PIGU: variants seen among roughly 807,000 people sequenced by gnomAD.
The protein encoded by PIGU is phosphatidylinositol glycan anchor biosynthesis class U, also known as GPI-anchor transamidase component PIGU.
A neutral mutation model predicts 49.9 loss-of-function variants in PIGU; 24 were observed. The observed-to-expected ratio is 0.48, with a 90% confidence interval of 0.35 to 0.68. The LOEUF (loss-of-function observed/expected upper bound fraction) is 0.68, where lower values mean the gene tolerates loss of function less well. Ranked by LOEUF, PIGU falls within the 30% of genes least tolerant of loss-of-function variation. The pLI is 0.01. For synonymous variants in PIGU, 220 were observed against 205.7 expected, an observed-to-expected ratio of 1.07 and a Z score of -0.59; for missense variants, 490 against 532.6, an observed-to-expected ratio of 0.92 and a Z score of 0.79.
intron 7 of PIGU, among the ~76,000 whole-genome samples, chr20:34,598,512 T>C (rs1350305786): frequency 6.6e-6 from 1 of 152,178 alleles, no homozygotes; most frequent in Non-Finnish European, 1.5e-5. Context: ...AGAAAGCAAG[T>C]TCCAGACCAA....
At chr20:34,639,270 G>A (rs1340154433) in intron 4 of PIGU, among the ~76,000 whole-genome samples, 2 of 151,918 alleles carry the variant, frequency 1.3e-5, no homozygotes, top group African/African-American at 4.8e-5. Flanking sequence ...GCATGGTGGC[G>A]GGCACCTGTA....
At chr20:34,620,820 CAAAAAAAA>C (rs1178693587) in intron 6 of PIGU, among the ~76,000 whole-genome samples, 24 of 96,708 alleles carry the variant, frequency 2.5e-4, no homozygotes, top group Admixed American at 1.2e-3. Context: ...AAAAAAAAAA[CAAAAAAAA>C]AAAAACAAAA....
At chr20:34,636,876 C>T (rs888060173) in intron 5 of PIGU, among the ~76,000 whole-genome samples, 8 of 152,098 alleles carry the variant, frequency 5.3e-5, no homozygotes, top group African/African-American at 1.9e-4. Flanking sequence ...CAATTACAGA[C>T]AGGCTTGTTA....
chr20:34,593,986 G>T (rs1007224828), intron 7 of PIGU, among the ~76,000 whole-genome samples: 5 of 152,136 alleles, frequency 3.3e-5, no homozygotes, highest in African/African-American at 1.2e-4. Context: ...AGACCAGCCT[G>T]GGCAACATAG....
At chr20:34,667,079 C>T (rs1380331253) in intron 1 of PIGU, among the ~76,000 whole-genome samples, 1 of 151,904 alleles carries the variant, frequency 6.6e-6, no homozygotes, top group Non-Finnish European at 1.5e-5. Flanking sequence ...CGGCCTCAAG[C>T]GATCTACCCA....
intron 5 of PIGU, among the ~76,000 whole-genome samples, chr20:34,635,304 C>T (rs995360605): frequency 6.6e-6 from 1 of 152,208 alleles, no homozygotes. Context: ...TAGATGTAGC[C>T]TTCTTGGCAG....
In PIGU at chr20:34,581,598, TCCC is replaced by T; in HGVS notation, c.998_1000del (p.Gly333del). On this transcript the variant is annotated inframe_deletion, in exon 10 of 12. Coordinates refer to ENST00000217446, the MANE Select transcript of PIGU (RefSeq NM_080476.5). ...GAAGAAGGCCATGTAGAGCGCCACG[TCCC>T]CCACTGTCGGGTAGGACTTAAAGAT... 1.2e-6 allele frequency: 2 copies of T among 1,613,740 alleles called. No individual in the cohort carries two copies. The highest frequency in any genetic ancestry group is 1.7e-6 in the Non-Finnish European group (2 of 1,179,940).
At chr20:34,629,077 C>T (rs1351917948) in intron 6 of PIGU, among the ~76,000 whole-genome samples, 1 of 151,228 alleles carries the variant, frequency 6.6e-6, no homozygotes, top group Non-Finnish European at 1.5e-5. Flanking sequence ...ATTGCAGTGG[C>T]ACAGTCTCAG....
At chr20:34,580,348 G>A (rs1244654225) in intron 10 of PIGU, among the ~76,000 whole-genome samples, 1 of 152,220 alleles carries the variant, frequency 6.6e-6, no homozygotes, top group Non-Finnish European at 1.5e-5. Flanking sequence ...CTCCCAGTCA[G>A]GCCAGATGGG....
At chr20:34,622,854 C>G (rs1985296931) in intron 6 of PIGU, among the ~76,000 whole-genome samples, 1 of 152,156 alleles carries the variant, frequency 6.6e-6, no homozygotes, top group Non-Finnish European at 1.5e-5. Context: ...TAGAGTAAAT[C>G]AGTCAAATGT....
intron 6 of PIGU, among the ~76,000 whole-genome samples, chr20:34,619,279 C>G (rs1600633831): frequency 6.6e-6 from 1 of 152,144 alleles, no homozygotes; most frequent in African/African-American, 2.4e-5. Flanking sequence ...GTGGCAAGCA[C>G]ACATCTGCTG....
intron 2 of PIGU, 45 bp downstream of exon 2, chr20:34,657,135 T>C: frequency 6.9e-7 from 1 of 1,440,252 alleles, no homozygotes; most frequent in Non-Finnish European, 9.7e-7. Flanking sequence ...TATCTGTGAC[T>C]GTAAACTACT....
chr20:34,562,686 G>T, intron 11 of PIGU: 3 of 730,644 alleles, frequency 4.1e-6, no homozygotes, highest in Non-Finnish European at 6.2e-6. Flanking sequence ...CAGAAAGGTG[G>T]TCTGCCTGGG....
At chr20:34,589,294 T>G (rs1983847782) in intron 7 of PIGU, among the ~76,000 whole-genome samples, 1 of 152,074 alleles carries the variant, frequency 6.6e-6, no homozygotes, top group Non-Finnish European at 1.5e-5. Flanking sequence ...TGAAAAGAAA[T>G]AAACAAGTAA....
rs746993969 is a variant in PIGU, at chr20:34,585,575, G to C, written c.788C>G (p.Ser263Cys). 9 of 1,612,860 alleles carry C rather than the reference G, an allele frequency of 5.6e-6. No individual in the cohort carries two copies. The highest frequency in any genetic ancestry group is 7.6e-6 in the Non-Finnish European group (9 of 1,179,436). Residue 263 changes from serine (S) to cysteine (C), a missense_variant, in exon 9 of 12, where the codon TCT becomes TGT. Coordinates refer to ENST00000217446, the MANE Select transcript of PIGU (RefSeq NM_080476.5). ...AATGTTTGGAGTGAGATCTGGAACA[G>C]AAAGTCTGGAATTAAGAAAACAAAG... is the stretch of plus-strand genomic sequence containing the variant. ...FIPAVYGFIL[S>C]VPDLTPNIGL... is the part of the protein sequence containing the mutation.
intron 6 of PIGU, among the ~76,000 whole-genome samples, chr20:34,627,846 G>C (rs749336913): frequency 6.6e-6 from 1 of 152,180 alleles, no homozygotes; most frequent in Non-Finnish European, 1.5e-5. Context: ...AGACAGCAGA[G>C]TATTTACTGT....
At position 34,627,469 on chromosome 20, in the gene PIGU, C is replaced by CA. The variant is rs576625704; in HGVS notation, c.529+7145dup. Among the ~76,000 whole-genome samples, 693 of 142,190 alleles carry CA rather than the reference C, an allele frequency of 4.9e-3. 5 individuals carry two copies. Among genetic ancestry groups the CA allele is most frequent in the Middle Eastern group, 0.029 (8 of 280 alleles). The allele number at this position is 142,190 out of a possible 152,430, so 93.3% of individuals were successfully genotyped here. A position where few individuals can be genotyped will look rare whatever the true frequency, so the allele number is the denominator to read the frequency against. On this transcript the variant is annotated intron_variant, in intron 6 of 11. Transcript: ENST00000217446. ...ATAAAATTTTTTTTGCTCTGTGGAA[C>CA]AAAAAAAAAACCATGGCTGTGAAAG...
chr20:34,562,969 A>C (rs1001660002), intron 11 of PIGU, among the ~76,000 whole-genome samples: 4 of 152,234 alleles, frequency 2.6e-5, no homozygotes, highest in Admixed American at 2.6e-4. Context: ...TGCAGTCACA[A>C]TCCACAACAA....
At chr20:34,603,763 C>T (rs139407086) in intron 7 of PIGU, among the ~76,000 whole-genome samples, 203 of 152,140 alleles carry the variant, frequency 1.3e-3, no homozygotes, top group African/African-American at 4.7e-3. Context: ...ACCCCAGTTT[C>T]TCTAAATGGG....
Sources: allele counts gnomAD v4.1 joint callset (sites outside exome capture counted in the v4.1 genomes callset), GRCh38; gene constraint gnomAD v4.1.1; transcripts MANE v1.5; gene names NCBI Gene and HGNC (gene_info 2026-07-23, HGNC 2026-07-21).